Variants in HPSE2 observed in about 807,000 individuals in gnomAD.
The protein encoded by HPSE2 is inactive heparanase-2.
Under a neutral mutation model 60.5 loss-of-function variants are expected in HPSE2, and 38 were observed. The ratio of observed to expected loss-of-function variants is 0.63; its 90% confidence interval spans 0.48 to 0.82. The LOEUF is 0.82. Among genes scored for constraint, HPSE2 ranks in the 40% least tolerant of loss-of-function variants. HPSE2 has a pLI of 0.00. For synonymous variants in HPSE2, 295 were observed against 293.2 expected, an observed-to-expected ratio of 1.01 and a Z score of -0.06; for missense variants, 713 against 740.4, an observed-to-expected ratio of 0.96 and a Z score of 0.43.
In HPSE2 at chr10:98,641,492, C is replaced by T. The variant is rs532385074; in HGVS notation, c.1098+355G>A. Reference sequence around the variant, plus strand: ...ATCTCAGCTACTCGGGAAGCTGAGGCAGGTAAATCGCTTGAACCCAGGAGG... The same window carrying T: ...ATCTCAGCTACTCGGGAAGCTGAGGTAGGTAAATCGCTTGAACCCAGGAGG... On this transcript the variant is annotated intron_variant, in intron 7 of 11. Coordinates refer to ENST00000370552, the MANE Select transcript of HPSE2 (RefSeq NM_021828.5). Among the ~76,000 whole-genome samples the T allele has an allele frequency of 6.6e-5, 10 of 152,020 alleles. 1 individual carries two copies. The South Asian group carries it at 2.1e-3, about 32-fold the overall frequency.
chr10:98,924,158 G>GA (rs1487470935), intron 3 of HPSE2, among the ~76,000 whole-genome samples: 1 of 152,196 alleles, frequency 6.6e-6, no homozygotes, highest in African/African-American at 2.4e-5. Context: ...AGATCCAGAA[G>GA]AATGCTCTGG....
chr10:98,992,330 A>G (rs1755173157), intron 3 of HPSE2, among the ~76,000 whole-genome samples: 1 of 152,118 alleles, frequency 6.6e-6, no homozygotes, highest in African/African-American at 2.4e-5. Context: ...TGGGTTTTTA[A>G]TAGAATTTCT....
intron 3 of HPSE2, among the ~76,000 whole-genome samples, chr10:98,844,472 T>C (rs1951989760): frequency 6.6e-6 from 1 of 152,228 alleles, no homozygotes; most frequent in African/African-American, 2.4e-5. Flanking sequence ...AACTAGACAG[T>C]ACATTGAAGA....
intron 9 of HPSE2, among the ~76,000 whole-genome samples, chr10:98,494,286 C>T (rs564557459): frequency 6.6e-6 from 1 of 152,194 alleles, no homozygotes; most frequent in Non-Finnish European, 1.5e-5. Context: ...GTCTGGTTTC[C>T]ATTGGCTGGA....
chr10:98,727,761 A>G (rs1465832464), intron 4 of HPSE2, among the ~76,000 whole-genome samples: 1 of 141,054 alleles, frequency 7.1e-6, no homozygotes, highest in Non-Finnish European at 1.5e-5. Flanking sequence ...ATACATAAAG[A>G]AAAAGAAATT....
At chr10:99,260,021 G>A in the HPSE2 span, among the ~76,000 whole-genome samples, 6 of 152,124 alleles carry the variant, frequency 3.9e-5, no homozygotes, top group Admixed American at 3.9e-4. Context: ...CAAAAAGGTA[G>A]GGGACTGCTG....
chr10:98,720,284 C>A (rs1948890390), intron 5 of HPSE2, among the ~76,000 whole-genome samples: 1 of 151,722 alleles, frequency 6.6e-6, no homozygotes, highest in Non-Finnish European at 1.5e-5. Flanking sequence ...GCATTACTAA[C>A]CAAATTTGGG....
At chr10:98,664,231 A>C (rs1288895053) in intron 6 of HPSE2, among the ~76,000 whole-genome samples, 1 of 151,942 alleles carries the variant, frequency 6.6e-6, no homozygotes, top group East Asian at 1.9e-4. Flanking sequence ...AGTGGGCACA[A>C]CTGTGTTACC....
chr10:99,027,397 C>A (rs1281351409), intron 3 of HPSE2, among the ~76,000 whole-genome samples: 3 of 151,868 alleles, frequency 2.0e-5, no homozygotes, highest in African/African-American at 7.3e-5. Flanking sequence ...CACAACCTAC[C>A]AAGACTGAAT....
At chr10:98,926,443 C>A (rs1026168178) in intron 3 of HPSE2, among the ~76,000 whole-genome samples, 1 of 152,094 alleles carries the variant, frequency 6.6e-6, no homozygotes, top group Admixed American at 6.6e-5. Flanking sequence ...GGAAACAGAT[C>A]TAATTTAGTC....
chr10:98,477,572 C>T lies in HPSE2; in HGVS notation c.1613+5064G>A, dbSNP rs771772539. Among the ~76,000 whole-genome samples, 18 of 152,214 alleles carry T rather than the reference C, an allele frequency of 1.2e-4. 1 individual carries two copies. The highest frequency in any genetic ancestry group is 2.2e-4 in the Non-Finnish European group (15 of 68,046). On this transcript the variant is annotated intron_variant, in intron 11 of 11. Coordinates refer to ENST00000370552, the MANE Select transcript of HPSE2 (RefSeq NM_021828.5). ...CCTCCAAATGGAATTGAACAAGGCA[C>T]ATAAGGGAGAACACTGGGATCTGAT...
chr10:98,556,031 G>C (rs1373322431), intron 9 of HPSE2, among the ~76,000 whole-genome samples: 1 of 152,150 alleles, frequency 6.6e-6, no homozygotes, highest in Admixed American at 6.6e-5. Flanking sequence ...AGAAAAGACT[G>C]AGTTGAAGAA....
At chr10:98,869,702 A>T (rs186625588) in intron 3 of HPSE2, among the ~76,000 whole-genome samples, 2 of 152,310 alleles carry the variant, frequency 1.3e-5, no homozygotes, top group African/African-American at 4.8e-5. Context: ...AATGGTGGCA[A>T]ATTTGGAATA....
intron 2 of HPSE2, among the ~76,000 whole-genome samples, chr10:99,221,187 T>C (rs1849302246): frequency 6.6e-6 from 1 of 152,018 alleles, no homozygotes; most frequent in South Asian, 2.1e-4. Context: ...TTAATGAGAG[T>C]ATTCATGTGC....
chr10:99,172,990 A>G (rs540563578), intron 2 of HPSE2, among the ~76,000 whole-genome samples: 1 of 152,216 alleles, frequency 6.6e-6, no homozygotes, highest in South Asian at 2.1e-4. Flanking sequence ...CTAATGGAGG[A>G]TATAAGTACA....
chr10:99,218,354 T>C (rs961115253), intron 2 of HPSE2, among the ~76,000 whole-genome samples: 2 of 151,702 alleles, frequency 1.3e-5, no homozygotes, highest in Non-Finnish European at 2.9e-5. Flanking sequence ...TGGGGGAGCA[T>C]AGTTTCAACA....
At chr10:98,831,584 C>A (rs1489481159) in intron 3 of HPSE2, among the ~76,000 whole-genome samples, 1 of 152,164 alleles carries the variant, frequency 6.6e-6, no homozygotes, top group Non-Finnish European at 1.5e-5. Context: ...TGCATAGCAG[C>A]TGGAAATTTG....
chr10:98,995,772 C>T (rs895782765), intron 3 of HPSE2, among the ~76,000 whole-genome samples: 1 of 151,662 alleles, frequency 6.6e-6, no homozygotes, highest in African/African-American at 2.4e-5. Flanking sequence ...ATAATCAACC[C>T]CCTCAAAAAA....
chr10:99,104,057 T>G (rs1844134762), intron 3 of HPSE2, among the ~76,000 whole-genome samples: 1 of 152,232 alleles, frequency 6.6e-6, no homozygotes, highest in East Asian at 1.9e-4. Flanking sequence ...GCAATACCAT[T>G]CAGGACATAG....
Sources: gnomAD v4.1 joint callset for allele counts (sites outside exome capture counted in the v4.1 genomes callset) on GRCh38, gnomAD v4.1.1 for gene constraint, MANE v1.5 for transcripts, NCBI Gene and HGNC (gene_info 2026-07-23, HGNC 2026-07-21) for gene names.